PLCB1: variants seen among roughly 807,000 people sequenced by gnomAD.
PLCB1 encodes the protein phospholipase C beta 1, also known as 1-phosphatidylinositol 4,5-bisphosphate phosphodiesterase beta-1.
In PLCB1, 46 loss-of-function variants were observed where a neutral mutation model predicts 161.8. The observed-to-expected ratio is 0.28, with a 90% confidence interval of 0.22 to 0.36. PLCB1 has a LOEUF of 0.36. Ranked by LOEUF, PLCB1 falls within the 10% of genes least tolerant of loss-of-function variation. PLCB1 has a pLI of 1.00. For missense variants in PLCB1, 1,016 were observed against 1,472.5 expected, an observed-to-expected ratio of 0.69 and a Z score of 5.07; for synonymous variants, 517 against 503.7, an observed-to-expected ratio of 1.03 and a Z score of -0.35.
chr20:8,335,560 G>T (rs1378457936), intron 2 of PLCB1, among the ~76,000 whole-genome samples: 2 of 152,104 alleles, frequency 1.3e-5, no homozygotes, highest in Non-Finnish European at 2.9e-5. Flanking sequence ...ACACTTGAGG[G>T]TCTCTGTGTA....
intron 3 of PLCB1, among the ~76,000 whole-genome samples, chr20:8,556,658 TG>T (rs1985963824): frequency 1.6e-4 from 1 of 6,272 alleles, no homozygotes; most frequent in Non-Finnish European, 3.2e-4. Flanking sequence ...GAGGGTTGGG[TG>T]TGTGTGTGTG....
At chr20:8,494,065 G>A (rs192723702) in intron 3 of PLCB1, among the ~76,000 whole-genome samples, 15 of 148,716 alleles carry the variant, frequency 1.0e-4, no homozygotes, top group African/African-American at 3.6e-4. Context: ...CTTGGTGTAT[G>A]AGAGTCTGCA....
intron 3 of PLCB1, among the ~76,000 whole-genome samples, chr20:8,416,295 T>G (rs1979268049): frequency 6.6e-6 from 1 of 152,162 alleles, no homozygotes; most frequent in African/African-American, 2.4e-5. Flanking sequence ...GTAAAATAAC[T>G]TATGTATATA....
chr20:8,342,641 C>T (rs1473351991), intron 2 of PLCB1, among the ~76,000 whole-genome samples: 1 of 152,142 alleles, frequency 6.6e-6, no homozygotes, highest in Non-Finnish European at 1.5e-5. Context: ...AATAGCCCGG[C>T]GCAAGAGCCA....
At chr20:8,519,217 T>A (rs1241160642) in intron 3 of PLCB1, among the ~76,000 whole-genome samples, 2 of 152,034 alleles carry the variant, frequency 1.3e-5, no homozygotes, top group African/African-American at 4.8e-5. Flanking sequence ...CACTCCTTGC[T>A]TTCTCGGTAG....
intron 10 of PLCB1, among the ~76,000 whole-genome samples, chr20:8,691,011 T>G (rs1375225978): frequency 6.6e-6 from 1 of 152,182 alleles, no homozygotes; most frequent in Admixed American, 6.5e-5. Context: ...TTAAGGAGAA[T>G]TCCATATAAT....
intron 3 of PLCB1, among the ~76,000 whole-genome samples, chr20:8,541,604 G>GAAAT (rs1340189786): frequency 6.7e-6 from 1 of 149,590 alleles, no homozygotes; most frequent in African/African-American, 2.5e-5. Flanking sequence ...AAGAAAGAAA[G>GAAAT]AAAGGAAGGA....
chr20:8,619,491 G>C (rs1037949766), intron 3 of PLCB1, among the ~76,000 whole-genome samples: 2 of 151,806 alleles, frequency 1.3e-5, no homozygotes, highest in African/African-American at 4.8e-5. Context: ...TTTTTTCATA[G>C]CATTCTTAAA....
chr20:8,155,592 A>G (rs1217454039), intron 2 of PLCB1, among the ~76,000 whole-genome samples: 2 of 152,206 alleles, frequency 1.3e-5, no homozygotes, highest in Non-Finnish European at 2.9e-5. Flanking sequence ...GTGATTTCCT[A>G]TTAAAAATAG....
chr20:8,263,029 G>T (rs1231939333), intron 2 of PLCB1, among the ~76,000 whole-genome samples: 1 of 152,096 alleles, frequency 6.6e-6, no homozygotes, highest in Non-Finnish European at 1.5e-5. Context: ...TGAATTTGGG[G>T]GAACACATAA....
intron 18 of PLCB1, among the ~76,000 whole-genome samples, chr20:8,732,465 GA>G (rs1980305182): frequency 2.0e-5 from 3 of 150,916 alleles, no homozygotes; most frequent in East Asian, 3.9e-4. Flanking sequence ...TTATAAGGGT[GA>G]AAAATTAGAA....
rs1053350100 is a variant in PLCB1 at position 8,146,076 on chromosome 20, G to T, written c.100-4218G>T. Among the ~76,000 whole-genome samples, 3 of 145,762 alleles carry T rather than the reference G, an allele frequency of 2.1e-5. No individual in the cohort carries two copies. The Admixed American group carries it at 2.1e-4, about 10-fold the overall frequency. ...CGAAAAGTGGTTTTGGGGAACAAAAGAAATCTTCTTACTGTTTTTGTTTTT... is the reference window on the plus strand; with the variant it reads ...CGAAAAGTGGTTTTGGGGAACAAAATAAATCTTCTTACTGTTTTTGTTTTT... On this transcript the variant is annotated intron_variant, in intron 1 of 31. Transcript: ENST00000338037.
chr20:8,871,489 C>G (rs1424129005), intron 31 of PLCB1, among the ~76,000 whole-genome samples: 3 of 152,216 alleles, frequency 2.0e-5, no homozygotes, highest in Non-Finnish European at 4.4e-5. Context: ...ACAATACAGT[C>G]TTCATTTTCA....
intron 2 of PLCB1, among the ~76,000 whole-genome samples, chr20:8,155,050 C>G (rs2051545499): frequency 6.6e-6 from 1 of 152,128 alleles, no homozygotes; most frequent in Non-Finnish European, 1.5e-5. Context: ...AGGTGGAGCT[C>G]TAACTTCAAT....
chr20:8,391,183 G>T (rs950530395), intron 3 of PLCB1, among the ~76,000 whole-genome samples: 1 of 151,010 alleles, frequency 6.6e-6, no homozygotes. Flanking sequence ...TATAATCTAT[G>T]TATAAGAGAT....
intron 2 of PLCB1, among the ~76,000 whole-genome samples, chr20:8,238,262 G>A (rs1289058727): frequency 6.6e-6 from 1 of 152,020 alleles, no homozygotes; most frequent in Non-Finnish European, 1.5e-5. Flanking sequence ...GAAGTATCCA[G>A]CAGGCATTTG....
At chr20:8,721,312 T>C (rs1173609882) in intron 14 of PLCB1, among the ~76,000 whole-genome samples, 3 of 152,230 alleles carry the variant, frequency 2.0e-5, no homozygotes, top group Non-Finnish European at 4.4e-5. Flanking sequence ...TCTATTGGGC[T>C]CATCGTGCTA....
chr20:8,700,087 G>A (rs1051893888), intron 11 of PLCB1, among the ~76,000 whole-genome samples: 25 of 152,144 alleles, frequency 1.6e-4, no homozygotes, highest in Non-Finnish European at 3.4e-4. Flanking sequence ...GTGGAGACAG[G>A]TTACCCCCAT....
intron 3 of PLCB1, among the ~76,000 whole-genome samples, chr20:8,426,223 T>C (rs1028016684): frequency 6.6e-6 from 1 of 152,170 alleles, no homozygotes; most frequent in Non-Finnish European, 1.5e-5. Flanking sequence ...CCTTGAGAAA[T>C]GTGCTACTTT....
Sources: gnomAD v4.1 joint callset for allele counts (sites outside exome capture counted in the v4.1 genomes callset) on GRCh38, gnomAD v4.1.1 for gene constraint, MANE v1.5 for transcripts, NCBI Gene and HGNC (gene_info 2026-07-23, HGNC 2026-07-21) for gene names.